MAP9: variants seen among roughly 807,000 people sequenced by gnomAD.
The protein encoded by MAP9 is microtubule-associated protein 9.
MAP9 carries 80 observed loss-of-function variants against 75.2 expected under a neutral mutation model. That is an observed-to-expected ratio of 1.06 (90% CI 0.89 to 1.28). The LOEUF (loss-of-function observed/expected upper bound fraction) is 1.28. Ranked by LOEUF, MAP9 falls within the 50% of genes most tolerant of loss-of-function variation. MAP9 has a pLI of 0.00. For missense variants in MAP9, 753 were observed against 719.9 expected (o/e 1.05, Z -0.53); for synonymous variants, 235 against 237.3 (o/e 0.99, Z 0.09).
chr4:155,360,544 G>T, intron 6 of MAP9, 129 bp from the exon 7 acceptor site: 8 of 882,088 alleles, frequency 9.1e-6, no homozygotes, highest in Non-Finnish European at 1.3e-5. Flanking sequence ...ATGAAGAAAA[G>T]TTATCATATT....
chr4:155,367,702 G>A (rs1015379064), intron 5 of MAP9, among the ~76,000 whole-genome samples: 5 of 152,222 alleles, frequency 3.3e-5, no homozygotes, highest in Admixed American at 1.3e-4. Context: ...CTCAACTGCA[G>A]AACAAGATTT....
chr4:155,369,890 A>G (rs768393026), intron 4 of MAP9, among the ~76,000 whole-genome samples: 12 of 152,188 alleles, frequency 7.9e-5, no homozygotes, highest in Non-Finnish European at 1.2e-4. Context: ...CTTTCCATGT[A>G]TATATTTTTT....
intron 9 of MAP9, 130 bp downstream of exon 9, chr4:155,355,586 G>A: frequency 1.6e-6 from 1 of 627,338 alleles, no homozygotes; most frequent in Non-Finnish European, 2.4e-6. Context: ...TGTATTAAAA[G>A]GAAACTCTTT....
chr4:155,362,020 A>G, intron 6 of MAP9, 28 bp downstream of exon 6: 6 of 1,315,200 alleles, frequency 4.6e-6, no homozygotes, highest in South Asian at 1.3e-5. Flanking sequence ...GAGTTCACAT[A>G]TAAGATATAA....
At chr4:155,370,732 G>A (rs1031480909) in intron 4 of MAP9, among the ~76,000 whole-genome samples, 9 of 152,112 alleles carry the variant, frequency 5.9e-5, no homozygotes, top group Non-Finnish European at 1.2e-4. Flanking sequence ...GTTAACTATA[G>A]GCACAATGTA....
chr4:155,362,114 A>C lies in MAP9; in HGVS notation c.736T>G (p.Ser246Ala). Reference sequence around the variant, plus strand: ...TCTCCAAGAATTTGTTTAAGTGATGATGATGCTAGACTTGTTAAGCATGAA... The same window carrying C: ...TCTCCAAGAATTTGTTTAAGTGATGCTGATGCTAGACTTGTTAAGCATGAA... ...EDSCLTSLAS[S>A]SLKQILGDSF... The change falls in exon 6 of 14, where the codon TCA becomes GCA. Residue 246 changes from serine to alanine, a missense_variant. Physicochemically the swap from Ser to Ala is moderately conservative, Grantham distance 99. Transcript: ENST00000311277. 1 of 1,595,304 alleles carries C rather than the reference A, an allele frequency of 6.3e-7. No homozygotes were observed. The highest frequency in any genetic ancestry group is 8.5e-7 in the Non-Finnish European group (1 of 1,173,824).
intron 7 of MAP9, among the ~76,000 whole-genome samples, chr4:155,358,823 TCACCATCA>T (rs1217103270): frequency 1.3e-5 from 2 of 152,038 alleles, no homozygotes; most frequent in East Asian, 3.9e-4. Flanking sequence ...AAAAAAATGT[TCACCATCA>T]CTAATCATCA....
In MAP9 at chr4:155,374,791, A is replaced by G. The variant is rs200046429; in HGVS notation, c.160+146T>C. ...TTAAGAGTGGCTTTCTACTAATTAA[A>G]AAGTTGAAAATCTAAAATTAGTGAA... On this transcript the variant is annotated intron_variant, in intron 3 of 13. Transcript: ENST00000311277. 1.9e-5 allele frequency: 8 copies of G among 427,998 alleles called. No individual in the cohort carries two copies. In the East Asian group the frequency reaches 2.4e-4, roughly 13 times the overall value. 26.5% of individuals were successfully genotyped at this position (427,998 alleles called of 1,614,324 possible). A position where few individuals can be genotyped will look rare whatever the true frequency, so the allele number is the denominator to read the frequency against.
chr4:155,352,315 G>T, intron 13 of MAP9: 2 of 277,706 alleles, frequency 7.2e-6, no homozygotes, highest in Non-Finnish European at 1.3e-5. Flanking sequence ...AGCAAAGGAA[G>T]AATGGGCATG....
intron 8 of MAP9, 41 bp from the exon 9 acceptor site, chr4:155,355,925 G>C (rs1177794296): frequency 1.3e-6 from 2 of 1,526,682 alleles, no homozygotes; most frequent in South Asian, 1.2e-5. Context: ...TATTACAATT[G>C]CATTTGGTAG....
chr4:155,374,557 C>A (rs190968900), intron 3 of MAP9, among the ~76,000 whole-genome samples: 8 of 152,232 alleles, frequency 5.3e-5, no homozygotes, highest in Non-Finnish European at 7.4e-5. Flanking sequence ...CTAATGTGCA[C>A]CGAAGTTTAG....
chr4:155,363,998 C>A (rs182891221), intron 5 of MAP9, among the ~76,000 whole-genome samples: 2 of 151,926 alleles, frequency 1.3e-5, no homozygotes, highest in Admixed American at 1.3e-4. Context: ...GCTCAACAAA[C>A]GTCAAGCAGA....
intron 10 of MAP9, among the ~76,000 whole-genome samples, chr4:155,354,690 C>T (rs1002638642): frequency 8.6e-5 from 13 of 152,030 alleles, no homozygotes; most frequent in African/African-American, 3.1e-4. Context: ...TGTCGAACTC[C>T]AGACCTCAAG....
At position 155,360,333 on chromosome 4, in the gene MAP9, C is replaced by CACAGA. The variant is rs775406732; in HGVS notation, c.884_885insTCTGT (p.Thr296LeufsTer2). ...CCTTGGATTTCTCAACTGCAGTAGT[C>CACAGA]ACATGGTCTGCTGAAAATGAATTCT... On this transcript the variant is annotated frameshift_variant, in exon 7 of 14. Transcript: ENST00000311277. LOFTEE classifies it high-confidence loss of function. 2 of 1,613,002 alleles carry CACAGA rather than the reference C, an allele frequency of 1.2e-6. No homozygotes were observed. The highest frequency in any genetic ancestry group is 1.7e-6 in the Non-Finnish European group (2 of 1,179,312).
rs940471663 is a variant in MAP9 at position 155,344,799 on chromosome 4, A to G, written c.*2984T>C. 1 of 151,874 alleles carries G rather than the reference A, an allele frequency of 6.6e-6. No homozygotes were observed. The highest frequency in any genetic ancestry group is 2.4e-5 in the African/African-American group (1 of 41,424). The allele number at this position is 151,874 out of a possible 1,614,324, so 9.4% of individuals were successfully genotyped here. A position where few individuals can be genotyped will look rare whatever the true frequency, so the allele number is the denominator to read the frequency against. ...TTATGAAATTTAAATTCTGTATACT[A>G]CTTTATTATTTAGTATTAATATTTA... On this transcript the variant is annotated 3_prime_UTR_variant, in exon 14 of 14. Transcript: ENST00000311277.
intron 10 of MAP9, 108 bp from the exon 11 acceptor site, chr4:155,353,448 G>T: frequency 1.1e-6 from 1 of 885,086 alleles, no homozygotes; most frequent in Non-Finnish European, 1.4e-6. Context: ...TTAGTCCTCT[G>T]ATATTCATTA....
At chr4:155,368,318 A>G in intron 5 of MAP9, 2 of 564,260 alleles carry the variant, frequency 3.5e-6, no homozygotes, top group East Asian at 2.8e-5. Flanking sequence ...GATAAACTCT[A>G]CAATCACTGG....
intron 3 of MAP9, among the ~76,000 whole-genome samples, chr4:155,374,575 G>A (rs1012123893): frequency 2.6e-5 from 4 of 152,040 alleles, no homozygotes; most frequent in African/African-American, 4.8e-5. Context: ...TAGTTCTGTG[G>A]GACTAGTTAC....
chr4:155,355,177 A>G lies in MAP9; in HGVS notation c.1291-17T>C. The stretch of plus-strand genomic sequence containing the variant: ...TAACCACTCCTATAAGAACAAGAAA[A>G]AGGTCATATAATATTTAAAATTTCT... On this transcript the variant is annotated splice_polypyrimidine_tract_variant and intron_variant, in intron 9 of 13. Transcript: ENST00000311277. 2 of 853,744 alleles carry G rather than the reference A, an allele frequency of 2.3e-6. No individual in the cohort carries two copies. The highest frequency in any genetic ancestry group is 2.1e-5 in the South Asian group (1 of 48,338). The allele number at this position is 853,744 out of a possible 1,614,324, so 52.9% of individuals were successfully genotyped here. A position where few individuals can be genotyped will look rare whatever the true frequency, so the allele number is the denominator to read the frequency against.
Sources: gnomAD v4.1 joint callset for allele counts (sites outside exome capture counted in the v4.1 genomes callset) on GRCh38, gnomAD v4.1.1 for gene constraint, MANE v1.5 for transcripts, NCBI Gene and HGNC (gene_info 2026-07-23, HGNC 2026-07-21) for gene names.